DHX8: variants seen among roughly 807,000 people sequenced by gnomAD.
DHX8 encodes DEAH-box helicase 8, also known as ATP-dependent RNA helicase DHX8.
In DHX8, 67 loss-of-function variants were observed where a neutral mutation model predicts 140.7. The ratio of observed to expected loss-of-function variants is 0.48; its 90% CI spans 0.39 to 0.58. The LOEUF is 0.58. DHX8 is among the 20% of genes least tolerant of loss of function. DHX8 has a pLI of 0.00. For synonymous variants in DHX8, 533 were observed against 553.2 expected (o/e 0.96, Z 0.51); for missense variants, 887 against 1,550.7 (o/e 0.57, Z 7.19).
At chr17:43,526,172 T>A, downstream of DHX8, 1 of 985,404 alleles carries the variant, frequency 1.0e-6, no homozygotes, top group Middle Eastern at 5.2e-4. Context: ...GGAGCTTGCC[T>A]GCTGCTCTCA....
chr17:43,493,311 T>C, intron 6 of DHX8, 134 bp from the exon 7 acceptor site: 1 of 1,277,182 alleles, frequency 7.8e-7, no homozygotes, highest in Non-Finnish European at 1.1e-6. Flanking sequence ...TACTATTTTA[T>C]TGTTTGACCA....
intron 21 of DHX8, 34 bp downstream of exon 21, chr17:43,521,599 G>A (rs1254875507): frequency 1.5e-5 from 23 of 1,586,058 alleles, no homozygotes; most frequent in Non-Finnish European, 1.8e-5. Context: ...GCATGTTTGA[G>A]TTGAACCACC....
At chr17:43,521,714 A>G in intron 21 of DHX8, 149 bp downstream of exon 21, 2 of 772,136 alleles carry the variant, frequency 2.6e-6, no homozygotes, top group Non-Finnish European at 2.1e-6. Context: ...CATCTTTGTT[A>G]TATTCCTTCT....
chr17:43,537,547 T>A (rs1567712971), intron 3 of DHX8, among the ~76,000 whole-genome samples: 1 of 148,048 alleles, frequency 6.8e-6, no homozygotes, highest in Non-Finnish European at 1.5e-5. Context: ...AATTAAAAAA[T>A]TAGTCAGGCG....
intron 17 of DHX8, among the ~76,000 whole-genome samples, chr17:43,516,781 C>T (rs1288374530): frequency 6.6e-6 from 1 of 152,170 alleles, no homozygotes; most frequent in Non-Finnish European, 1.5e-5. Context: ...ACTGCAGAGT[C>T]ATCATTGGGA....
At chr17:43,528,500 G>C, downstream of DHX8, 2 of 1,542,392 alleles carry the variant, frequency 1.3e-6, no homozygotes, top group Non-Finnish European at 1.8e-6. Context: ...CCTGCGGCAG[G>C]GGGAACAGCC....
chr17:43,514,055 C>T (rs1236001701), intron 17 of DHX8, among the ~76,000 whole-genome samples: 13 of 151,942 alleles, frequency 8.6e-5, no homozygotes, highest in African/African-American at 2.7e-4. Flanking sequence ...AAAATGCCCC[C>T]GTAAGGCCAG....
At chr17:43,526,715 T>C (rs1425034536), downstream of DHX8, 55 of 1,444,022 alleles carry the variant, frequency 3.8e-5, no homozygotes, top group South Asian at 7.0e-4. Flanking sequence ...CCTTCAGGGT[T>C]TCCACCGATT....
chr17:43,493,949 G>A (rs1968694227), intron 8 of DHX8, 63 bp downstream of exon 8: 2 of 1,553,000 alleles, frequency 1.3e-6, no homozygotes. Context: ...GCTTAGGGGT[G>A]TGCCCTGGAG....
At chr17:43,508,061 T>C (rs1453460633) in intron 15 of DHX8, 42 bp downstream of exon 15, 1 of 1,594,190 alleles carries the variant, frequency 6.3e-7, no homozygotes, top group South Asian at 1.1e-5. Context: ...AGGCCTAATT[T>C]TCCCTCTTAG....
rs1419138318 is a variant in DHX8 at position 43,537,482 on chromosome 17, T to C, written c.*20+984T>C. On this transcript the variant is annotated intron_variant, in intron 3 of 3. Transcript: ENST00000589898. ...GCTGAGGTGGGAGGATCACTTGAGA[T>C]CAGGAGTTTGAGACCAGCCTGGCCA... 4.8e-5 allele frequency among the ~76,000 whole-genome samples: 7 copies of C among 145,864 alleles called. No individual in the cohort carries two copies. The Admixed American group carries it at 4.9e-4, about 10-fold the overall frequency.
intron 11 of DHX8, among the ~76,000 whole-genome samples, chr17:43,501,828 G>A (rs557072079): frequency 6.6e-6 from 1 of 152,290 alleles, no homozygotes; most frequent in South Asian, 2.1e-4. Context: ...CATGACCAGA[G>A]TTGCATTTCC....
Position 43,489,502 on chromosome 17 carries a change from G to A in DHX8, c.202G>A (p.Ala68Thr). The stretch of plus-strand genomic sequence containing the variant: ...AAATACCACCTTTGATACTTTTAAG[G>A]CTTCTCTCGTCAAAAATGGTGCAGA... Reference protein sequence around the residue: ...EKNTTFDTFKASLVKNGAEFT... With the variant: ...EKNTTFDTFKTSLVKNGAEFT... The change falls in exon 2 of 23, where the codon GCT (alanine) becomes ACT (threonine). Residue 68 changes from alanine to threonine, a missense_variant. Coordinates refer to ENST00000262415, the MANE Select transcript of DHX8 (RefSeq NM_004941.3). 1.2e-6 allele frequency: 2 copies of A among 1,609,846 alleles called. No individual in the cohort carries two copies. The highest frequency in any genetic ancestry group is 1.7e-6 in the Non-Finnish European group (2 of 1,179,014).
At chr17:43,532,631 A>T in intron 2 of DHX8, 5 of 1,559,852 alleles carry the variant, frequency 3.2e-6, no homozygotes, top group Non-Finnish European at 4.4e-6. Flanking sequence ...GGCTTAACTG[A>T]ACACTTGATC....
At chr17:43,515,420 C>T (rs1455184553) in intron 17 of DHX8, among the ~76,000 whole-genome samples, 5 of 152,186 alleles carry the variant, frequency 3.3e-5, no homozygotes, top group Non-Finnish European at 5.9e-5. Context: ...ATCTCCTGAC[C>T]ACATGATCCA....
downstream of DHX8, chr17:43,529,948 A>G (rs747710717): frequency 5.0e-6 from 8 of 1,614,198 alleles, no homozygotes; most frequent in Non-Finnish European, 6.8e-6. Context: ...TCTCATAGCC[A>G]TAGCCTTGTG....
intron 19 of DHX8, 48 bp downstream of exon 19, chr17:43,520,315 C>A: frequency 6.2e-7 from 1 of 1,602,028 alleles, no homozygotes; most frequent in South Asian, 1.1e-5. Context: ...ATTCCCTGGT[C>A]AGCCTTTCAC....
chr17:43,514,587 G>A (rs1970015815), intron 17 of DHX8, among the ~76,000 whole-genome samples: 1 of 152,056 alleles, frequency 6.6e-6, no homozygotes, highest in Non-Finnish European at 1.5e-5. Flanking sequence ...ACTTTTTTGA[G>A]AGAAGTTTGG....
chr17:43,517,313 G>A lies in DHX8; in HGVS notation c.2790G>A (p.Leu930=). 1 of 1,613,720 alleles carries A rather than the reference G, an allele frequency of 6.2e-7. No individual in the cohort carries two copies. ...GAACCAACTTAGCAAGCACAGTGCT[G>A]TCACTCAAGGTAGAAATCACTGTCT... ...IQRTNLASTV[L]SLKAMGINDL... Residue 930 remains leucine (L), a synonymous_variant, in exon 18 of 23, where the codon CTG becomes CTA. Coordinates refer to ENST00000262415, the MANE Select transcript of DHX8 (RefSeq NM_004941.3).
Sources: gnomAD v4.1 joint callset for allele counts (sites outside exome capture counted in the v4.1 genomes callset) on GRCh38, gnomAD v4.1.1 for gene constraint, MANE v1.5 for transcripts, NCBI Gene and HGNC (gene_info 2026-07-23, HGNC 2026-07-21) for gene names.